The following HSF2 variants were observed in gnomAD, a reference collection of about 807,000 sequenced individuals.
HSF2 encodes heat shock transcription factor 2.
In HSF2, 21 loss-of-function variants were observed where a neutral mutation model predicts 65.0. The ratio of observed to expected loss-of-function variants is 0.32; its 90% CI spans 0.23 to 0.47. The LOEUF is 0.47. Among genes scored for constraint, HSF2 ranks in the 20% least tolerant of loss-of-function variants. The pLI is 1.00. For synonymous variants in HSF2, 225 were observed against 219.1 expected (o/e 1.03, Z -0.24); for missense variants, 499 against 628.1 (o/e 0.79, Z 2.20).
chr6:122,401,632 C>T (rs181274893), intron 1 of HSF2, among the ~76,000 whole-genome samples: 37 of 152,234 alleles, frequency 2.4e-4, no homozygotes, highest in African/African-American at 8.9e-4. Flanking sequence ...TTTTTAATCC[C>T]ATTATTAACT....
chr6:122,432,214 T>C lies in HSF2; in HGVS notation c.1605T>C (p.Asp535=). 2 of 1,609,520 alleles carry C rather than the reference T, an allele frequency of 1.2e-6. No homozygotes were observed. The highest frequency in any genetic ancestry group is 1.7e-6 in the Non-Finnish European group (2 of 1,176,462). ...TGGATAGTGATATGCCACTTTTAGATAGCTAAATCCCCAGGAAGTGGACTT... is the reference window on the plus strand; with the variant it reads ...TGGATAGTGATATGCCACTTTTAGACAGCTAAATCCCCAGGAAGTGGACTT... The part of the protein sequence containing the change: ...APLDSDMPLL[D]S Residue 535 remains aspartate, a synonymous_variant, in exon 13 of 13, where the codon GAT becomes GAC. Transcript: ENST00000368455.
intron 6 of HSF2, among the ~76,000 whole-genome samples, chr6:122,419,870 G>A (rs900246320): frequency 2.6e-5 from 4 of 151,956 alleles, no homozygotes; most frequent in African/African-American, 9.7e-5. Context: ...TGTGTGGTTC[G>A]GTAAGCAATG....
At chr6:122,426,566 T>C (rs1418452179) in intron 10 of HSF2, among the ~76,000 whole-genome samples, 6 of 152,088 alleles carry the variant, frequency 3.9e-5, no homozygotes, top group Non-Finnish European at 7.4e-5. Flanking sequence ...AGTCACTATC[T>C]ACTCTCAAGG....
rs917340397 is a variant in HSF2 at position 122,428,443 on chromosome 6, AT to A, written c.1230+497del. Among the ~76,000 whole-genome samples the A allele has an allele frequency of 3.1e-3, 461 of 149,890 alleles. 3 individuals carry two copies. Among genetic ancestry groups the A allele is most frequent in the Middle Eastern group, 3.4e-3 (1 of 292 alleles). On this transcript the variant is annotated intron_variant, in intron 11 of 12. Transcript: ENST00000368455. The stretch of plus-strand genomic sequence containing the variant: ...ATTTGACTTTTTTTAAGTAATAAGG[AT>A]TTTTTTTTTGACATATAGGAACTGC...
intron 1 of HSF2, among the ~76,000 whole-genome samples, chr6:122,400,264 T>G (rs572268567): frequency 6.6e-6 from 1 of 152,218 alleles, no homozygotes; most frequent in East Asian, 1.9e-4. Context: ...AACGTGGGGC[T>G]TTATAGGAGG....
chr6:122,429,555 C>CTTATAT (rs1434059970), intron 11 of HSF2, among the ~76,000 whole-genome samples: 1 of 152,054 alleles, frequency 6.6e-6, no homozygotes, highest in Non-Finnish European at 1.5e-5. Flanking sequence ...CCTTATACTT[C>CTTATAT]TCAGTACAGC....
rs1242801532 is a variant in HSF2, at chr6:122,432,235, G to T, written c.*15G>T. 6.3e-7 allele frequency: 1 copy of T among 1,578,156 alleles called. No individual in the cohort carries two copies. The highest frequency in any genetic ancestry group is 8.7e-7 in the Non-Finnish European group (1 of 1,153,098). On this transcript the variant is annotated 3_prime_UTR_variant, in exon 13 of 13. Transcript: ENST00000368455. Reference sequence around the variant, plus strand: ...TAGATAGCTAAATCCCCAGGAAGTGGACTTTACATGTATATATTCATCAAA... The same window carrying T: ...TAGATAGCTAAATCCCCAGGAAGTGTACTTTACATGTATATATTCATCAAA...
At chr6:122,426,304 C>T (rs1158097661) in intron 10 of HSF2, among the ~76,000 whole-genome samples, 3 of 152,092 alleles carry the variant, frequency 2.0e-5, no homozygotes, top group African/African-American at 7.2e-5. Context: ...AGTGGGGTCA[C>T]AGCAGGAGAG....
At chr6:122,429,574 T>C (rs537814695) in intron 11 of HSF2, among the ~76,000 whole-genome samples, 6 of 152,176 alleles carry the variant, frequency 3.9e-5, no homozygotes, top group Non-Finnish European at 7.4e-5. Flanking sequence ...GCAATCTTAA[T>C]TGGCCACTAT....
rs139603470 is a variant in HSF2, at chr6:122,415,943, G to T, written c.456-278G>T. The stretch of plus-strand genomic sequence containing the variant: ...GAGGCACGAGAATTGCTTGAACCCT[G>T]GAGGTGAAGGTTGCAATGAGCCGAG... On this transcript the variant is annotated intron_variant, in intron 4 of 12. Transcript: ENST00000368455. 2.2e-4 allele frequency among the ~76,000 whole-genome samples: 34 copies of T among 152,212 alleles called. No homozygotes were observed. In the East Asian group the frequency reaches 6.2e-3, roughly 28 times the overall value.
At chr6:122,403,652 C>T (rs911209340) in intron 1 of HSF2, among the ~76,000 whole-genome samples, 3 of 152,122 alleles carry the variant, frequency 2.0e-5, no homozygotes, top group South Asian at 2.1e-4. Context: ...GTATGTTTTA[C>T]ATATTTCCAT....
Position 122,412,564 on chromosome 6 carries a change from A to C in HSF2, c.203-73A>C, listed in dbSNP as rs891088504. The C allele has an allele frequency of 2.7e-5, 43 of 1,574,012 alleles. No homozygotes were observed. The Admixed American group carries it at 7.1e-4, about 26-fold the overall frequency. ...TTTTTCCCATTAGGGTGGTAAAGGA[A>C]AATTATTCCATACAAGCACCACCAA... is the stretch of plus-strand genomic sequence containing the variant. On this transcript the variant is annotated intron_variant, in intron 2 of 12. Coordinates refer to ENST00000368455, the MANE Select transcript of HSF2 (RefSeq NM_004506.4).
intron 1 of HSF2, among the ~76,000 whole-genome samples, chr6:122,410,327 T>C (rs1189986081): frequency 6.6e-6 from 1 of 151,988 alleles, no homozygotes; most frequent in Non-Finnish European, 1.5e-5. Flanking sequence ...TTTTTAAAGT[T>C]CCTGTATATT....
chr6:122,412,012 T>C (rs553367709), intron 1 of HSF2, among the ~76,000 whole-genome samples: 1 of 151,928 alleles, frequency 6.6e-6, no homozygotes, highest in African/African-American at 2.4e-5. Flanking sequence ...TCTTTTTTTT[T>C]TATTTTGGTC....
rs1210848988 is a variant in HSF2, at chr6:122,419,189, T to C, written c.553T>C (p.Leu185=). 6.7e-7 allele frequency: 1 copy of C among 1,488,442 alleles called. No individual in the cohort carries two copies. The highest frequency in any genetic ancestry group is 1.4e-5 in the African/African-American group (1 of 72,060). The allele number at this position is 1,488,442 out of a possible 1,614,324, so 92.2% of individuals were successfully genotyped here. A position where few individuals can be genotyped will look rare whatever the true frequency, so the allele number is the denominator to read the frequency against. The change falls in exon 6 of 13, where the codon TTG becomes CTG. Residue 185 remains leucine, a synonymous_variant. Coordinates refer to ENST00000368455, the MANE Select transcript of HSF2 (RefSeq NM_004506.4). ...TCAGATTGTCCAGTTTATTGTTACA[T>C]TGGTTCAAAATAACCAACTTGTGAG... ...IRKIVQFIVT[L]VQNNQLVSLK...
intron 11 of HSF2, among the ~76,000 whole-genome samples, chr6:122,428,784 G>A (rs943656202): frequency 6.6e-6 from 1 of 151,976 alleles, no homozygotes; most frequent in African/African-American, 2.4e-5. Context: ...GAATTTATAC[G>A]ATTATTGTCA....
rs1182473475 is a variant in HSF2 at position 122,432,974 on chromosome 6, T to C, written c.*754T>C. The C allele has an allele frequency of 2.0e-5, 3 of 152,332 alleles. No individual in the cohort carries two copies. The East Asian group carries it at 5.8e-4, about 29-fold the overall frequency. 9.4% of individuals were successfully genotyped at this position (152,332 alleles called of 1,614,324 possible). The stretch of plus-strand genomic sequence containing the variant: ...GAATGTTGAGTACTAGTGTCTGTTA[T>C]GTGTCTTCTTTAGAGGTGACACTCA... On this transcript the variant is annotated 3_prime_UTR_variant, in exon 13 of 13. Transcript: ENST00000368455.
At chr6:122,417,976 T>G (rs1454004908) in intron 5 of HSF2, among the ~76,000 whole-genome samples, 1 of 152,196 alleles carries the variant, frequency 6.6e-6, no homozygotes, top group East Asian at 1.9e-4. Flanking sequence ...ATGTCTATAT[T>G]TTTTTCCATT....
intron 7 of HSF2, among the ~76,000 whole-genome samples, chr6:122,420,532 G>A (rs1774208531): frequency 1.3e-5 from 2 of 151,088 alleles, no homozygotes; most frequent in Admixed American, 6.6e-5. Context: ...CATTCTCATG[G>A]CCATTTTGTA....
Sources: allele counts gnomAD v4.1 joint callset (sites outside exome capture counted in the v4.1 genomes callset), GRCh38; gene constraint gnomAD v4.1.1; transcripts MANE v1.5; gene names NCBI Gene and HGNC (gene_info 2026-07-23, HGNC 2026-07-21).